Variants in GNG12 observed in about 807,000 individuals in gnomAD.
GNG12 encodes guanine nucleotide-binding protein G(I)/G(S)/G(O) subunit gamma-12.
For missense variants in GNG12, 69 were observed against 83.8 expected (o/e 0.82, Z 0.69); for synonymous variants, 28 against 29.7 (o/e 0.94, Z 0.19).
At chr1:67,824,869 G>A (rs937962950) in intron 1 of GNG12, among the ~76,000 whole-genome samples, 4 of 152,160 alleles carry the variant, frequency 2.6e-5, no homozygotes, top group African/African-American at 7.2e-5. Flanking sequence ...TCTGCCCTGT[G>A]TTATATTACC....
rs532958644 is a variant in GNG12 at position 67,816,130 on chromosome 1, CT to C, written c.-77+17213del. On this transcript the variant is annotated intron_variant, in intron 1 of 3. Coordinates refer to ENST00000370982, the MANE Select transcript of GNG12 (RefSeq NM_018841.6). ...GCTGCTAGAGCCTATTATCTTGAGA[CT>C]TTTTTTTCTTTTCTTCTAATGAAAG... Among the ~76,000 whole-genome samples the C allele has an allele frequency of 7.6e-3, 1,151 of 152,150 alleles. 13 individuals are homozygous for C. The highest frequency in any genetic ancestry group is 0.026 in the African/African-American group (1,092 of 41,482).
chr1:67,771,684 C>T (rs1570534241), intron 2 of GNG12, among the ~76,000 whole-genome samples: 1 of 152,192 alleles, frequency 6.6e-6, no homozygotes, highest in East Asian at 1.9e-4. Context: ...GGACCCACCA[C>T]AGCAGACACA....
intron 1 of GNG12, among the ~76,000 whole-genome samples, chr1:67,785,198 C>T (rs1267911861): frequency 1.3e-5 from 2 of 152,180 alleles, no homozygotes; most frequent in Non-Finnish European, 2.9e-5. Context: ...ACCATGTTTA[C>T]TTCACTGGAG....
chr1:67,761,730 C>G lies in GNG12; in HGVS notation c.-27+15728G>C, dbSNP rs143108948. ...GGCAAACTCTCCAACGAGGTATTCCCGTTAACCCTTAGTCCCTTACCCTCC... is the reference window on the plus strand; with the variant it reads ...GGCAAACTCTCCAACGAGGTATTCCGGTTAACCCTTAGTCCCTTACCCTCC... On this transcript the variant is annotated intron_variant, in intron 2 of 3. Coordinates refer to ENST00000370982, the MANE Select transcript of GNG12 (RefSeq NM_018841.6). 6.1e-3 allele frequency among the ~76,000 whole-genome samples: 934 copies of G among 152,258 alleles called. 9 individuals are homozygous for G. Among genetic ancestry groups the G allele is most frequent in the African/African-American group, 0.021 (893 of 41,540 alleles).
At chr1:67,817,787 C>CTTTTT (rs66518207) in intron 1 of GNG12, among the ~76,000 whole-genome samples, 31 of 108,252 alleles carry the variant, frequency 2.9e-4, no homozygotes, top group African/African-American at 3.0e-4. Flanking sequence ...TTCTTTCTTT[C>CTTTTT]TTTTTTTTTT....
intron 1 of GNG12, among the ~76,000 whole-genome samples, chr1:67,790,917 A>C (rs932216870): frequency 6.6e-6 from 1 of 152,118 alleles, no homozygotes; most frequent in Non-Finnish European, 1.5e-5. Context: ...CCCAGCCCAT[A>C]CTTTATTCCT....
intron 1 of GNG12, among the ~76,000 whole-genome samples, chr1:67,808,489 T>G (rs1168878821): frequency 5.3e-5 from 8 of 151,936 alleles, no homozygotes; most frequent in Admixed American, 1.3e-4. Context: ...GACACACAGA[T>G]AGGGGAAGAG....
In GNG12 at chr1:67,817,783, CTTTCTT is replaced by C. The variant is rs1209730352; in HGVS notation, c.-77+15555_-77+15560del. Among the ~76,000 whole-genome samples the C allele has an allele frequency of 3.9e-4, 42 of 109,020 alleles. 1 individual carries two copies. Among genetic ancestry groups the C allele is most frequent in the Middle Eastern group, 5.5e-3 (1 of 182 alleles). 71.5% of individuals were successfully genotyped at this position (109,020 alleles called of 152,430 possible). On this transcript the variant is annotated intron_variant, in intron 1 of 3. Transcript: ENST00000370982. Reference sequence around the variant, plus strand: ...AATAAATGTTTTCTTTTGTTTCTTTCTTTCTTTTTTTTTTTTTTTTTTTTGCGATGT... The same window carrying C: ...AATAAATGTTTTCTTTTGTTTCTTTCTTTTTTTTTTTTTTTTTTGCGATGT...
intron 2 of GNG12, among the ~76,000 whole-genome samples, chr1:67,714,895 C>T (rs946283630): frequency 1.3e-5 from 2 of 152,012 alleles, no homozygotes; most frequent in African/African-American, 2.4e-5. Context: ...ACCATGTGAA[C>T]GCAGAGGGAG....
intron 1 of GNG12, among the ~76,000 whole-genome samples, chr1:67,782,635 T>C (rs905348008): frequency 3.3e-5 from 5 of 152,154 alleles, no homozygotes; most frequent in Non-Finnish European, 7.4e-5. Context: ...GGGGGAAAAG[T>C]ATTCTGATAA....
chr1:67,774,183 A>T (rs939538280), intron 2 of GNG12, among the ~76,000 whole-genome samples: 1 of 152,208 alleles, frequency 6.6e-6, no homozygotes, highest in Non-Finnish European at 1.5e-5. Flanking sequence ...TAAGTCATCA[A>T]CGGAGCATGT....
Position 67,705,446 on chromosome 1 carries a change from T to C in GNG12, c.*5A>G. 2 of 1,613,490 alleles carry C rather than the reference T, an allele frequency of 1.2e-6. No homozygotes were observed. Among genetic ancestry groups the C allele is most frequent in the Non-Finnish European group, 1.7e-6 (2 of 1,179,790 alleles). On this transcript the variant is annotated 3_prime_UTR_variant, in exon 4 of 4. Coordinates refer to ENST00000370982, the MANE Select transcript of GNG12 (RefSeq NM_018841.6). ...GAAGAGGCGAGGAGCTGTTTCTCTA[T>C]TCCACTATAAGATGATGCAAGTTTT...
chr1:67,770,664 G>A (rs1646668828), intron 2 of GNG12, among the ~76,000 whole-genome samples: 1 of 152,172 alleles, frequency 6.6e-6, no homozygotes. Flanking sequence ...CCCAGAGCAA[G>A]GCCCCTCAGA....
chr1:67,738,632 C>T (rs892242626), intron 2 of GNG12, among the ~76,000 whole-genome samples: 5 of 152,146 alleles, frequency 3.3e-5, no homozygotes, highest in South Asian at 4.1e-4. Flanking sequence ...CCCACAATCC[C>T]GGCACTCTGG....
At chr1:67,800,985 A>G (rs1193512449) in intron 1 of GNG12, among the ~76,000 whole-genome samples, 1 of 141,426 alleles carries the variant, frequency 7.1e-6, no homozygotes, top group Non-Finnish European at 1.6e-5. Context: ...GGAAAGGTCT[A>G]GGAGACCTTT....
At chr1:67,786,983 GTGTA>G (rs1344749273) in intron 1 of GNG12, among the ~76,000 whole-genome samples, 42 of 114,592 alleles carry the variant, frequency 3.7e-4, no homozygotes, top group South Asian at 5.8e-4. Context: ...GTGTGTGTGT[GTGTA>G]TGTATATATA....
chr1:67,734,292 GGC>G (rs1646438990), intron 2 of GNG12, among the ~76,000 whole-genome samples: 1 of 151,916 alleles, frequency 6.6e-6, no homozygotes, highest in South Asian at 2.1e-4. Context: ...GGAGGGTGAG[GGC>G]ATGCTTCTTC....
chr1:67,768,309 C>A (rs1205383461), intron 2 of GNG12, among the ~76,000 whole-genome samples: 1 of 152,162 alleles, frequency 6.6e-6, no homozygotes, highest in African/African-American at 2.4e-5. Flanking sequence ...TGAGGCTGGG[C>A]AGGTTGAGCC....
At chr1:67,734,362 A>G (rs908274925) in intron 2 of GNG12, among the ~76,000 whole-genome samples, 4 of 152,184 alleles carry the variant, frequency 2.6e-5, no homozygotes, top group African/African-American at 9.6e-5. Context: ...CTGACCCCAC[A>G]GTGGTAAATG....
Sources: gnomAD v4.1 joint callset for allele counts (sites outside exome capture counted in the v4.1 genomes callset) on GRCh38, gnomAD v4.1.1 for gene constraint, MANE v1.5 for transcripts, NCBI Gene and HGNC (gene_info 2026-07-23, HGNC 2026-07-21) for gene names.